CATSPERE: variants seen among roughly 807,000 people sequenced by gnomAD.
The protein encoded by CATSPERE is cation channel sperm-associated auxiliary subunit epsilon.
A neutral mutation model predicts 114.1 loss-of-function variants in CATSPERE; 93 were observed. The ratio of observed to expected loss-of-function variants is 0.81; its 90% CI spans 0.69 to 0.97. CATSPERE has a LOEUF of 0.97. Ranked by LOEUF, CATSPERE falls within the 50% of genes least tolerant of loss-of-function variation. CATSPERE has a pLI of 0.00. For missense variants in CATSPERE, 1,058 were observed against 1,131.6 expected, an observed-to-expected ratio of 0.93 and a Z score of 0.93; for synonymous variants, 341 against 384.1, an observed-to-expected ratio of 0.89 and a Z score of 1.31.
intron 11 of CATSPERE, among the ~76,000 whole-genome samples, chr1:244,574,760 G>A (rs894603599): frequency 6.6e-6 from 1 of 152,186 alleles, no homozygotes; most frequent in Non-Finnish European, 1.5e-5. Context: ...GCTCTTGGAA[G>A]TGTCTGACTT....
chr1:244,603,144 TAAAG>T (rs902826758), intron 17 of CATSPERE, among the ~76,000 whole-genome samples: 26 of 152,218 alleles, frequency 1.7e-4, no homozygotes, highest in African/African-American at 5.5e-4. Context: ...GGGCTACTAA[TAAAG>T]AACCCCCTTT....
intron 2 of CATSPERE, among the ~76,000 whole-genome samples, chr1:244,473,625 C>T (rs1247628065): frequency 6.6e-6 from 1 of 152,012 alleles, no homozygotes; most frequent in Non-Finnish European, 1.5e-5. Context: ...TCCAATTTAT[C>T]AACCTTTTTT....
At chr1:244,578,519 A>G (rs1218350626) in intron 11 of CATSPERE, among the ~76,000 whole-genome samples, 1 of 152,140 alleles carries the variant, frequency 6.6e-6, no homozygotes, top group Non-Finnish European at 1.5e-5. Context: ...AGCCTAACCT[A>G]AACAGCCTAT....
At chr1:244,586,018 G>C (rs930339108) in intron 13 of CATSPERE, among the ~76,000 whole-genome samples, 1 of 152,196 alleles carries the variant, frequency 6.6e-6, no homozygotes, top group African/African-American at 2.4e-5. Context: ...TAATCTGTCT[G>C]GTTAGAAGAA....
intron 6 of CATSPERE, among the ~76,000 whole-genome samples, chr1:244,496,958 T>C (rs1415163461): frequency 6.6e-6 from 1 of 152,140 alleles, no homozygotes; most frequent in African/African-American, 2.4e-5. Context: ...GAAGGTAGCA[T>C]CTCAAATCCC....
intron 5 of CATSPERE, 73 bp from the exon 6 acceptor site, chr1:244,490,374 C>A: frequency 9.9e-7 from 1 of 1,012,206 alleles, no homozygotes; most frequent in Non-Finnish European, 1.5e-6. Context: ...AAACATGTAT[C>A]TTGAAAGTAG....
chr1:244,510,046 G>A (rs1050154393), intron 7 of CATSPERE, among the ~76,000 whole-genome samples: 3 of 151,802 alleles, frequency 2.0e-5, no homozygotes, highest in Non-Finnish European at 4.4e-5. Flanking sequence ...TTGATTCTTT[G>A]TATGTGTTTT....
intron 4 of CATSPERE, among the ~76,000 whole-genome samples, chr1:244,479,171 G>A (rs1490860382): frequency 4.0e-5 from 6 of 150,162 alleles, no homozygotes; most frequent in Non-Finnish European, 5.9e-5. Context: ...TAGGCTCACC[G>A]CATCCTCCGC....
At chr1:244,537,719 T>G (rs1042841606) in intron 8 of CATSPERE, among the ~76,000 whole-genome samples, 6 of 152,234 alleles carry the variant, frequency 3.9e-5, no homozygotes, top group African/African-American at 1.4e-4. Flanking sequence ...GAGACCATAC[T>G]TTGTATGATT....
intron 14 of CATSPERE, among the ~76,000 whole-genome samples, chr1:244,590,003 G>A (rs896029789): frequency 7.9e-5 from 12 of 152,152 alleles, no homozygotes; most frequent in Admixed American, 6.5e-4. Context: ...TGGGGTCCAA[G>A]TTACTTTTGG....
At chr1:244,546,723 C>T (rs1177689370) in intron 8 of CATSPERE, among the ~76,000 whole-genome samples, 2 of 151,872 alleles carry the variant, frequency 1.3e-5, no homozygotes, top group African/African-American at 4.8e-5. Context: ...CATCAACAGC[C>T]AGTTGATCAA....
intron 1 of CATSPERE, among the ~76,000 whole-genome samples, chr1:244,461,720 A>T (rs992592675): frequency 7.9e-5 from 12 of 152,120 alleles, no homozygotes; most frequent in African/African-American, 2.9e-4. Flanking sequence ...ACCCTGCTCC[A>T]GCTCCTGCAG....
At chr1:244,547,852 A>G (rs1387043616) in intron 8 of CATSPERE, among the ~76,000 whole-genome samples, 4 of 152,246 alleles carry the variant, frequency 2.6e-5, no homozygotes, top group East Asian at 1.9e-4. Context: ...CTCGAAAGAC[A>G]TAGAGTGGCT....
intron 21 of CATSPERE, among the ~76,000 whole-genome samples, chr1:244,636,955 G>C (rs550454910): frequency 1.3e-5 from 2 of 152,052 alleles, no homozygotes; most frequent in African/African-American, 4.8e-5. Flanking sequence ...TCTCCATTCT[G>C]CTCTCTCTCT....
At chr1:244,461,599 C>G in intron 1 of CATSPERE, 105 bp downstream of exon 1, 4 of 899,214 alleles carry the variant, frequency 4.4e-6, no homozygotes, top group Non-Finnish European at 5.9e-6. Flanking sequence ...GACCGCTCGC[C>G]CTGGCCGACC....
chr1:244,572,098 G>A (rs561288791), intron 10 of CATSPERE, among the ~76,000 whole-genome samples: 5 of 152,214 alleles, frequency 3.3e-5, no homozygotes, highest in Middle Eastern at 3.4e-3. Flanking sequence ...TATGTTAAAT[G>A]ATGTTATATA....
chr1:244,520,604 C>G (rs3005926), intron 8 of CATSPERE, among the ~76,000 whole-genome samples: 19,575 of 152,066 alleles, frequency 0.13, 2,198 homozygotes, highest in African/African-American at 0.3. Context: ...CCAATACACA[C>G]AGCTGTGTGG....
rs796944592 is a variant in CATSPERE, at chr1:244,542,644, T to C, written c.537-9678T>C. Among the ~76,000 whole-genome samples, 33 of 152,314 alleles carry C rather than the reference T, an allele frequency of 2.2e-4. 1 individual carries two copies. Among genetic ancestry groups the C allele is most frequent in the African/African-American group, 7.9e-4 (33 of 41,554 alleles). The stretch of plus-strand genomic sequence containing the variant: ...ATAATGGCATCCAGCTTCCTTTATG[T>C]TGCTGTAAAGGACATATTTTATTCT... On this transcript the variant is annotated intron_variant, in intron 8 of 21. Transcript: ENST00000366534.
At chr1:244,528,998 G>A (rs759781736) in intron 8 of CATSPERE, among the ~76,000 whole-genome samples, 1 of 152,030 alleles carries the variant, frequency 6.6e-6, no homozygotes, top group Non-Finnish European at 1.5e-5. Context: ...ATTGTTGCAC[G>A]TGACAGGATC....
Sources: gnomAD v4.1 joint callset for allele counts (sites outside exome capture counted in the v4.1 genomes callset) on GRCh38, gnomAD v4.1.1 for gene constraint, MANE v1.5 for transcripts, NCBI Gene and HGNC (gene_info 2026-07-23, HGNC 2026-07-21) for gene names.